HPSE2: variants seen among roughly 807,000 people sequenced by gnomAD.
The protein encoded by HPSE2 is heparanase 2 (inactive), also known as inactive heparanase-2.
HPSE2 carries 38 observed loss-of-function variants against 60.5 expected under a neutral mutation model. The observed-to-expected ratio is 0.63, with a 90% CI of 0.48 to 0.82. The LOEUF is 0.82. Among genes scored for constraint, HPSE2 ranks in the 40% least tolerant of loss-of-function variants. The pLI is 0.00. For synonymous variants in HPSE2, 295 were observed against 293.2 expected (o/e 1.01, Z -0.06); for missense variants, 713 against 740.4 (o/e 0.96, Z 0.43).
intron 3 of HPSE2, among the ~76,000 whole-genome samples, chr10:98,796,328 T>A (rs1439243421): frequency 6.6e-6 from 1 of 152,054 alleles, no homozygotes; most frequent in Non-Finnish European, 1.5e-5. Flanking sequence ...CTGGCAGCAT[T>A]CACCACAAGC....
chr10:98,599,706 C>T (rs502195), intron 9 of HPSE2, among the ~76,000 whole-genome samples: 16,023 of 152,152 alleles, frequency 0.11, 1,425 homozygotes, highest in African/African-American at 0.25. Flanking sequence ...ACTGTTCTTC[C>T]TTCCATATTG....
rs150509659 is a variant in HPSE2, at chr10:98,873,409, C to T, written c.611-129353G>A. ...TGTGTGTTGTTTACCTCCCTGTGTCCATGTGTTCTCATTGCTCAACTCCCA... is the reference window on the plus strand; with the variant it reads ...TGTGTGTTGTTTACCTCCCTGTGTCTATGTGTTCTCATTGCTCAACTCCCA... On this transcript the variant is annotated intron_variant, in intron 3 of 11. Coordinates refer to ENST00000370552, the MANE Select transcript of HPSE2 (RefSeq NM_021828.5). Among the ~76,000 whole-genome samples, 253 of 152,106 alleles carry T rather than the reference C, an allele frequency of 1.7e-3. 1 individual carries two copies. Among genetic ancestry groups the T allele is most frequent in the African/African-American group, 6.0e-3 (247 of 41,506 alleles).
chr10:98,765,766 C>T (rs922293484), intron 3 of HPSE2, among the ~76,000 whole-genome samples: 9 of 152,126 alleles, frequency 5.9e-5, no homozygotes, highest in African/African-American at 2.2e-4. Context: ...TCACTTGAAC[C>T]CTGGTGGCAG....
chr10:98,699,932 C>A (rs554185763), intron 5 of HPSE2, among the ~76,000 whole-genome samples: 1 of 143,286 alleles, frequency 7.0e-6, no homozygotes, highest in South Asian at 2.6e-4. Flanking sequence ...ATCCAACTTA[C>A]AAGGGATGTG....
chr10:98,553,375 C>T (rs1479056276), intron 9 of HPSE2, among the ~76,000 whole-genome samples: 1 of 152,196 alleles, frequency 6.6e-6, no homozygotes, highest in Admixed American at 6.5e-5. Flanking sequence ...TGTTCTTTCT[C>T]TTAATGAAGC....
chr10:99,132,214 AGAGAGAGAGAGAGAG>A (rs1845452629), intron 3 of HPSE2, among the ~76,000 whole-genome samples: 1 of 32,614 alleles, frequency 3.1e-5, no homozygotes, highest in African/African-American at 5.3e-5. Context: ...AGAGAGAGAG[AGAGAGAGAGAGAGAG>A]AGAGAGAGAG....
intron 3 of HPSE2, among the ~76,000 whole-genome samples, chr10:98,983,587 C>T (rs1476094477): frequency 6.6e-6 from 1 of 152,210 alleles, no homozygotes; most frequent in Non-Finnish European, 1.5e-5. Context: ...GTCAATTTAC[C>T]TGGCTTATTC....
At chr10:98,607,854 A>T (rs1321111646) in intron 9 of HPSE2, among the ~76,000 whole-genome samples, 1 of 152,200 alleles carries the variant, frequency 6.6e-6, no homozygotes, top group Non-Finnish European at 1.5e-5. Context: ...AATACATATC[A>T]AATATATATT....
At chr10:98,994,049 A>G (rs555930443) in intron 3 of HPSE2, among the ~76,000 whole-genome samples, 1 of 152,212 alleles carries the variant, frequency 6.6e-6, no homozygotes, top group Non-Finnish European at 1.5e-5. Flanking sequence ...CTGCCAGAAT[A>G]GCACAGAAAT....
At chr10:98,671,251 T>C (rs1222764527) in intron 6 of HPSE2, among the ~76,000 whole-genome samples, 1 of 152,216 alleles carries the variant, frequency 6.6e-6, no homozygotes, top group Non-Finnish European at 1.5e-5. Flanking sequence ...TACTTGGTCA[T>C]TGATTTGGGG....
rs1411204742 is a variant in HPSE2, at chr10:98,698,930, G to C, written c.957-4983C>G. On this transcript the variant is annotated intron_variant, in intron 5 of 11. Transcript: ENST00000370552. Reference sequence around the variant, plus strand: ...TTCCTCCACACATACACCCTCCCAAGACTAAACCAGGAAGAAGTTGACTCT... The same window carrying C: ...TTCCTCCACACATACACCCTCCCAACACTAAACCAGGAAGAAGTTGACTCT... Among the ~76,000 whole-genome samples, 8 of 152,246 alleles carry C rather than the reference G, an allele frequency of 5.3e-5. No individual in the cohort carries two copies. In the South Asian group the frequency reaches 1.7e-3, roughly 32 times the overall value.
chr10:98,596,142 G>A (rs1945229781), intron 9 of HPSE2, among the ~76,000 whole-genome samples: 1 of 152,044 alleles, frequency 6.6e-6, no homozygotes, highest in Non-Finnish European at 1.5e-5. Context: ...TATGCATCAG[G>A]AATATTGGCC....
intron 9 of HPSE2, among the ~76,000 whole-genome samples, chr10:98,574,798 A>G (rs1944598210): frequency 6.6e-6 from 1 of 152,170 alleles, no homozygotes; most frequent in Non-Finnish European, 1.5e-5. Flanking sequence ...TGTGAGAGAC[A>G]CTGTTAAGCT....
At chr10:99,063,262 CA>C (rs568676127) in intron 3 of HPSE2, among the ~76,000 whole-genome samples, 2 of 151,160 alleles carry the variant, frequency 1.3e-5, no homozygotes, top group Non-Finnish European at 3.0e-5. Context: ...AAGTATTTAA[CA>C]AAATGTTAGT....
chr10:99,092,038 G>A (rs919549529), intron 3 of HPSE2, among the ~76,000 whole-genome samples: 1 of 152,050 alleles, frequency 6.6e-6, no homozygotes, highest in African/African-American at 2.4e-5. Flanking sequence ...AGACTTGCTG[G>A]GAAAGTGGGG....
chr10:98,547,480 A>G (rs1160124543), intron 9 of HPSE2, among the ~76,000 whole-genome samples: 1 of 150,236 alleles, frequency 6.7e-6, no homozygotes, highest in Non-Finnish European at 1.5e-5. Context: ...CAGCCATAAA[A>G]AATGATGAGT....
At chr10:98,735,593 T>G (rs1423582758) in intron 4 of HPSE2, among the ~76,000 whole-genome samples, 1 of 151,990 alleles carries the variant, frequency 6.6e-6, no homozygotes, top group Non-Finnish European at 1.5e-5. Flanking sequence ...GGAATGGGGC[T>G]GTACTCTGTA....
chr10:98,949,071 C>T (rs548586845), intron 3 of HPSE2, among the ~76,000 whole-genome samples: 1 of 152,054 alleles, frequency 6.6e-6, no homozygotes, highest in African/African-American at 2.4e-5. Context: ...CCTCAACTCC[C>T]GTGTTTTCAG....
At chr10:98,760,316 G>A (rs1949976773) in intron 3 of HPSE2, among the ~76,000 whole-genome samples, 1 of 152,008 alleles carries the variant, frequency 6.6e-6, no homozygotes, top group Non-Finnish European at 1.5e-5. Flanking sequence ...CACTTGGTCT[G>A]GGTAGGACTT....
Sources: allele counts gnomAD v4.1 joint callset (sites outside exome capture counted in the v4.1 genomes callset), GRCh38; gene constraint gnomAD v4.1.1; transcripts MANE v1.5; gene names NCBI Gene and HGNC (gene_info 2026-07-23, HGNC 2026-07-21).